FSTL4: variants seen among roughly 807,000 people sequenced by gnomAD.
FSTL4 encodes follistatin like 4.
Under a neutral mutation model 78.2 loss-of-function variants are expected in FSTL4, and 28 were observed. The ratio of observed to expected loss-of-function variants is 0.36; its 90% CI spans 0.27 to 0.49. The LOEUF (loss-of-function observed/expected upper bound fraction) is 0.49. FSTL4 is among the 20% of genes least tolerant of loss of function. The pLI, the probability that FSTL4 is intolerant of heterozygous loss-of-function variation, is 0.98. For synonymous variants in FSTL4, 422 were observed against 440.5 expected (o/e 0.96, Z 0.53); for missense variants, 922 against 1,084.9 (o/e 0.85, Z 2.11).
chr5:133,444,390 C>T (rs1415878505), intron 3 of FSTL4, among the ~76,000 whole-genome samples: 1 of 152,198 alleles, frequency 6.6e-6, no homozygotes, highest in Non-Finnish European at 1.5e-5. Context: ...TACCTACAGC[C>T]ACCCTGCCTG....
chr5:133,634,010 G>T, the FSTL4 span, among the ~76,000 whole-genome samples: 5 of 152,154 alleles, frequency 3.3e-5, no homozygotes, highest in Non-Finnish European at 5.9e-5. Context: ...GTGGAGAGAG[G>T]TGGTGGGAGA....
At chr5:133,210,131 T>C (rs1750656048) in intron 14 of FSTL4, 60 bp downstream of exon 14, 1 of 869,018 alleles carries the variant, frequency 1.2e-6, no homozygotes, top group Middle Eastern at 2.2e-4. Flanking sequence ...ACTTATTTTA[T>C]AGGGAGAGAG....
intron 3 of FSTL4, among the ~76,000 whole-genome samples, chr5:133,483,495 C>A (rs745660550): frequency 6.6e-6 from 1 of 152,136 alleles, no homozygotes; most frequent in African/African-American, 2.4e-5. Flanking sequence ...CTCTTTAAAG[C>A]CTGACCATTT....
the FSTL4 span, among the ~76,000 whole-genome samples, chr5:133,705,951 C>A: frequency 6.6e-6 from 1 of 152,046 alleles, no homozygotes; most frequent in Non-Finnish European, 1.5e-5. Flanking sequence ...AACTTAAGAA[C>A]CTTGTTTGCA....
chr5:133,473,360 G>A (rs763389856), intron 3 of FSTL4, among the ~76,000 whole-genome samples: 17 of 152,190 alleles, frequency 1.1e-4, no homozygotes, highest in East Asian at 1.9e-4. Context: ...CCCTTTGGTC[G>A]TGACTGGACA....
At chr5:133,657,413 G>A in the FSTL4 span, among the ~76,000 whole-genome samples, 1 of 152,188 alleles carries the variant, frequency 6.6e-6, no homozygotes, top group Non-Finnish European at 1.5e-5. Flanking sequence ...ATATGAGGTG[G>A]ACAGGGACTT....
chr5:133,217,115 C>T, intron 13 of FSTL4, 114 bp downstream of exon 13: 3 of 772,448 alleles, frequency 3.9e-6, no homozygotes, highest in Non-Finnish European at 6.5e-6. Flanking sequence ...ATCTTTTCTC[C>T]CTTCAGTCTG....
chr5:133,617,852 A>G, the FSTL4 span, among the ~76,000 whole-genome samples: 2 of 152,194 alleles, frequency 1.3e-5, no homozygotes, highest in Admixed American at 1.3e-4. Flanking sequence ...AGGGCGTGGC[A>G]TACGAGAAGA....
At chr5:133,512,311 A>G (rs568966631) in intron 3 of FSTL4, among the ~76,000 whole-genome samples, 3 of 152,334 alleles carry the variant, frequency 2.0e-5, no homozygotes, top group African/African-American at 7.2e-5. Flanking sequence ...CCCACAGCTC[A>G]CTGGATTCTC....
chr5:133,569,508 T>G lies in FSTL4; in HGVS notation c.127-2289A>C, dbSNP rs147931820. The stretch of plus-strand genomic sequence containing the variant: ...TTCCTTTACTCATTTGTTTATTGAC[T>G]GTTTCCCTCTAGTGGAATGTGGGTT... On this transcript the variant is annotated intron_variant, in intron 2 of 15. Transcript: ENST00000265342. Among the ~76,000 whole-genome samples, 296 of 152,370 alleles carry G rather than the reference T, an allele frequency of 1.9e-3. 2 individuals are homozygous for G. The South Asian group carries it at 0.021, about 11-fold the overall frequency.
intron 3 of FSTL4, among the ~76,000 whole-genome samples, chr5:133,419,712 CA>C (rs1223091159): frequency 6.6e-6 from 1 of 152,174 alleles, no homozygotes; most frequent in Non-Finnish European, 1.5e-5. Flanking sequence ...TTCCCGTCAG[CA>C]GATTATGAAT....
intron 4 of FSTL4, among the ~76,000 whole-genome samples, chr5:133,330,945 G>A (rs1199283489): frequency 6.6e-6 from 1 of 152,200 alleles, no homozygotes; most frequent in African/African-American, 2.4e-5. Context: ...GTTATGCTGT[G>A]GACACACGTG....
intron 4 of FSTL4, among the ~76,000 whole-genome samples, chr5:133,355,968 T>C (rs111555493): frequency 2.0e-5 from 3 of 152,070 alleles, no homozygotes; most frequent in Non-Finnish European, 4.4e-5. Flanking sequence ...CTCGCATGGC[T>C]AGTGTTTTAT....
At chr5:133,637,154 G>A in the FSTL4 span, among the ~76,000 whole-genome samples, 1 of 152,144 alleles carries the variant, frequency 6.6e-6, no homozygotes, top group East Asian at 1.9e-4. Flanking sequence ...CCCTATTTAC[G>A]ATGTGACAGG....
the FSTL4 span, among the ~76,000 whole-genome samples, chr5:133,620,141 G>A: frequency 6.6e-6 from 1 of 152,214 alleles, no homozygotes; most frequent in Non-Finnish European, 1.5e-5. Context: ...ATCCTTGACA[G>A]TGCCTCAAGT....
chr5:133,633,205 C>G, the FSTL4 span, among the ~76,000 whole-genome samples: 1 of 151,984 alleles, frequency 6.6e-6, no homozygotes, highest in Non-Finnish European at 1.5e-5. Context: ...AAGTTTTCAA[C>G]CATTATTTCT....
chr5:133,648,714 T>A, the FSTL4 span, among the ~76,000 whole-genome samples: 6 of 152,162 alleles, frequency 3.9e-5, no homozygotes, highest in African/African-American at 1.4e-4. Context: ...AATGGACGAC[T>A]TTTTAGAGCA....
At chr5:133,562,648 T>C (rs977826934) in intron 3 of FSTL4, among the ~76,000 whole-genome samples, 3 of 152,150 alleles carry the variant, frequency 2.0e-5, no homozygotes, top group South Asian at 2.1e-4. Flanking sequence ...GGCTGGAACA[T>C]GTGCGGGAGC....
chr5:133,510,199 TG>T (rs1758698063), intron 3 of FSTL4, among the ~76,000 whole-genome samples: 1 of 152,212 alleles, frequency 6.6e-6, no homozygotes, highest in South Asian at 2.1e-4. Flanking sequence ...TTAAGTGGCA[TG>T]GCCAGACAAT....
Sources: gnomAD v4.1 joint callset for allele counts (sites outside exome capture counted in the v4.1 genomes callset) on GRCh38, gnomAD v4.1.1 for gene constraint, MANE v1.5 for transcripts, NCBI Gene and HGNC (gene_info 2026-07-23, HGNC 2026-07-21) for gene names.